Variants in REDIC1 observed in about 807,000 individuals in gnomAD.
The protein encoded by REDIC1 is HEI10 Interacting Protein 1.
the REDIC1 span, among the ~76,000 whole-genome samples, chr12:39,701,958 C>A: frequency 3.9e-5 from 6 of 152,096 alleles, no homozygotes; most frequent in Non-Finnish European, 7.4e-5. Flanking sequence ...GGGGAAATTT[C>A]TAGCACTAAA....
chr12:39,748,597 C>A, the REDIC1 span, among the ~76,000 whole-genome samples: 1 of 152,200 alleles, frequency 6.6e-6, no homozygotes, highest in Non-Finnish European at 1.5e-5. Context: ...ACTCTCCACC[C>A]CAAATCAACA....
At chr12:39,663,821 C>G in the REDIC1 span, among the ~76,000 whole-genome samples, 1 of 151,944 alleles carries the variant, frequency 6.6e-6, no homozygotes, top group Non-Finnish European at 1.5e-5. Context: ...AGTCACCAAG[C>G]AATTCTTGTA....
At chr12:39,696,964 T>A in the REDIC1 span, among the ~76,000 whole-genome samples, 1 of 152,142 alleles carries the variant, frequency 6.6e-6, no homozygotes, top group East Asian at 1.9e-4. Context: ...CTAAGAGTGG[T>A]TATTGGCCTT....
chr12:39,713,301 CACACATACGTGT>C, the REDIC1 span, among the ~76,000 whole-genome samples: 1 of 17,198 alleles, frequency 5.8e-5, no homozygotes, highest in African/African-American at 9.9e-5. Context: ...TATGTGTACA[CACACATACGTGT>C]ATATATGTGT....
At chr12:39,681,696 G>A in the REDIC1 span, among the ~76,000 whole-genome samples, 1 of 152,010 alleles carries the variant, frequency 6.6e-6, no homozygotes, top group Non-Finnish European at 1.5e-5. Context: ...AACATTCATG[G>A]GTAAAACATT....
chr12:39,725,067 C>G, the REDIC1 span, among the ~76,000 whole-genome samples: 1 of 151,924 alleles, frequency 6.6e-6, no homozygotes, highest in Non-Finnish European at 1.5e-5. Context: ...CTAGTCCCAA[C>G]ATAATAAAAT....
the REDIC1 span, chr12:39,692,204 T>G: frequency 7.3e-5 from 87 of 1,186,134 alleles, no homozygotes; most frequent in Non-Finnish European, 9.0e-5. Context: ...TTTTAGATGT[T>G]TGCCAACAAA....
the REDIC1 span, among the ~76,000 whole-genome samples, chr12:39,676,424 A>G: frequency 6.6e-6 from 1 of 152,198 alleles, no homozygotes. Flanking sequence ...AATAAAAAAT[A>G]AATGAACAAA....
chr12:39,841,867 C>A, the REDIC1 span, among the ~76,000 whole-genome samples: 1 of 151,922 alleles, frequency 6.6e-6, no homozygotes, highest in Admixed American at 6.6e-5. Flanking sequence ...CCAAGTAAGT[C>A]GACTAGTATT....
the REDIC1 span, among the ~76,000 whole-genome samples, chr12:39,649,427 TTTTGA>T: frequency 0.016 from 2,463 of 151,978 alleles, 61 homozygotes; most frequent in African/African-American, 0.054. Context: ...TTCTCTTCTC[TTTTGA>T]TTTGTTTCTT....
the REDIC1 span, among the ~76,000 whole-genome samples, chr12:39,714,079 A>ATATATATATG: frequency 8.1e-5 from 11 of 136,302 alleles, 1 homozygote; most frequent in African/African-American, 2.5e-4. Flanking sequence ...ATACGTGTAT[A>ATATATATATG]TACACATATA....
the REDIC1 span, among the ~76,000 whole-genome samples, chr12:39,664,814 C>A: frequency 6.6e-6 from 1 of 152,208 alleles, no homozygotes; most frequent in Non-Finnish European, 1.5e-5. Context: ...ATTTGCATTT[C>A]TCTGATGGAC....
the REDIC1 span, among the ~76,000 whole-genome samples, chr12:39,656,002 A>T: frequency 1.3e-5 from 2 of 151,892 alleles, no homozygotes; most frequent in Non-Finnish European, 2.9e-5. Flanking sequence ...TCTTTTTCTA[A>T]TGTTAAACCA....
the REDIC1 span, among the ~76,000 whole-genome samples, chr12:39,792,863 T>C: frequency 1.3e-5 from 2 of 151,778 alleles, no homozygotes; most frequent in Non-Finnish European, 1.5e-5. Context: ...TGTTCTAGGG[T>C]CAACTGTATT....
chr12:39,767,978 G>C, the REDIC1 span, among the ~76,000 whole-genome samples: 8 of 152,188 alleles, frequency 5.3e-5, no homozygotes, highest in East Asian at 1.4e-3. Flanking sequence ...AAACTACCCA[G>C]TCTCAGGCAG....
At chr12:39,668,824 C>T in the REDIC1 span, among the ~76,000 whole-genome samples, 5 of 152,016 alleles carry the variant, frequency 3.3e-5, no homozygotes, top group East Asian at 1.9e-4. Context: ...TCACCAACAC[C>T]GTTTTTTCCA....
At chr12:39,679,794 A>G in the REDIC1 span, among the ~76,000 whole-genome samples, 1 of 152,234 alleles carries the variant, frequency 6.6e-6, no homozygotes, top group Non-Finnish European at 1.5e-5. Context: ...AAATATAGGT[A>G]TGTGGACAGA....
At chr12:39,734,915 C>T in the REDIC1 span, among the ~76,000 whole-genome samples, 1 of 152,158 alleles carries the variant, frequency 6.6e-6, no homozygotes, top group Non-Finnish European at 1.5e-5. Context: ...CTCGCTATCT[C>T]AATTTGGAGA....
chr12:39,645,009 G>A, the REDIC1 span, among the ~76,000 whole-genome samples: 1 of 151,962 alleles, frequency 6.6e-6, no homozygotes, highest in Non-Finnish European at 1.5e-5. Context: ...TGATCTAATA[G>A]TAATAAACTA....
Sources: allele counts gnomAD v4.1 joint callset (sites outside exome capture counted in the v4.1 genomes callset), GRCh38; gene constraint gnomAD v4.1.1; transcripts MANE v1.5; gene names NCBI Gene and HGNC (gene_info 2026-07-23, HGNC 2026-07-21).